The following ACSS3 variants were observed in gnomAD, a reference collection of about 807,000 sequenced individuals.
ACSS3 encodes the protein acyl-CoA synthetase short chain family member 3, also known as acyl-CoA synthetase short-chain family member 3, mitochondrial.
In ACSS3, 64 loss-of-function variants were observed where a neutral mutation model predicts 84.2. That is an observed-to-expected ratio of 0.76 (90% CI 0.62 to 0.94). The LOEUF is 0.94. Among genes scored for constraint, ACSS3 ranks in the 40% least tolerant of loss-of-function variants. The pLI is 0.00. For missense variants in ACSS3, 815 were observed against 867.6 expected (o/e 0.94, Z 0.76); for synonymous variants, 317 against 310.1 (o/e 1.02, Z -0.23).
At chr12:81,112,764 C>T (rs1883711730) in intron 2 of ACSS3, among the ~76,000 whole-genome samples, 1 of 152,088 alleles carries the variant, frequency 6.6e-6, no homozygotes, top group Non-Finnish European at 1.5e-5. Context: ...AAAAGAAGTG[C>T]CTTTGTACAT....
chr12:81,093,636 A>C (rs1182560226), intron 1 of ACSS3, among the ~76,000 whole-genome samples: 1 of 151,870 alleles, frequency 6.6e-6, no homozygotes, highest in Non-Finnish European at 1.5e-5. Flanking sequence ...ATAGACTTAC[A>C]AGAAGTTGCA....
At chr12:81,117,609 G>A (rs1018513517) in intron 2 of ACSS3, among the ~76,000 whole-genome samples, 1 of 152,094 alleles carries the variant, frequency 6.6e-6, no homozygotes, top group Non-Finnish European at 1.5e-5. Flanking sequence ...GGTTAGGTGA[G>A]TATCCAGGAG....
At chr12:81,124,935 C>T (rs183879502) in intron 2 of ACSS3, among the ~76,000 whole-genome samples, 142 of 152,324 alleles carry the variant, frequency 9.3e-4, no homozygotes, top group African/African-American at 3.4e-3. Flanking sequence ...CATAAATTGT[C>T]CGGGCTTGGT....
At position 81,216,961 on chromosome 12, in the gene ACSS3, C is replaced by A; in HGVS notation, c.1415C>A (p.Pro472Gln). The A allele has an allele frequency of 6.2e-7, 1 of 1,611,124 alleles. No individual in the cohort carries two copies. Among genetic ancestry groups the A allele is most frequent in the Non-Finnish European group, 8.5e-7 (1 of 1,177,970 alleles). Residue 472 changes from proline to glutamine, a missense_variant, in exon 10 of 16, where the codon CCA (proline) becomes CAA (glutamine). By Grantham distance (76) the Pro-to-Gln change is moderately conservative. Transcript: ENST00000548058. ...TTAGGCAATTCTAAAACACCTCCAC[C>A]AGGGCAAGCAGGAAAAAGCGTCCCA... is the stretch of plus-strand genomic sequence containing the variant. ...VGLGNSKTPP[P>Q]GQAGKSVPGY...
At position 81,199,413 on chromosome 12, in the gene ACSS3, A is replaced by T. The variant is rs758971591; in HGVS notation, c.1323A>T (p.Arg441Ser). Reference sequence around the variant, plus strand: ...TGGAATGGTCCAAAAATGTCTTCAGAGTACCTGTCTTAGACCATTGGTGGC... The same window carrying T: ...TGGAATGGTCCAAAAATGTCTTCAGTGTACCTGTCTTAGACCATTGGTGGC... ...ETLEWSKNVF[R>S]VPVLDHWWQT... The change falls in exon 9 of 16, where the codon AGA (arginine) becomes AGT (serine). Residue 441 changes from arginine (R) to serine (S), a missense_variant. Transcript: ENST00000548058. 6.2e-7 allele frequency: 1 copy of T among 1,613,714 alleles called. No homozygotes were observed. The highest frequency in any genetic ancestry group is 1.1e-5 in the South Asian group (1 of 91,070).
intron 7 of ACSS3, among the ~76,000 whole-genome samples, chr12:81,156,467 A>G (rs1886875453): frequency 6.6e-6 from 1 of 151,516 alleles, no homozygotes; most frequent in African/African-American, 2.4e-5. Context: ...AGGAATCAAT[A>G]ACATTGAAAA....
At position 81,253,527 on chromosome 12, in the gene ACSS3, GA is replaced by G; in HGVS notation, c.1855del (p.Ile619LeufsTer2). On this transcript the variant is annotated frameshift_variant, in exon 15 of 16. Coordinates refer to ENST00000548058, the MANE Select transcript of ACSS3 (RefSeq NM_024560.4). LOFTEE classifies it high-confidence loss of function. ...TGCAACAGAGGAGCAAGTTTTGGAA[GA>G]AATTGTGAAACACGTTAGACAGAAC... ...INATEEQVLE[E>X]IVKHVRQNIG... The G allele has an allele frequency of 6.2e-7, 1 of 1,613,888 alleles. No individual in the cohort carries two copies. Among genetic ancestry groups the G allele is most frequent in the Non-Finnish European group, 8.5e-7 (1 of 1,179,896 alleles).
intron 2 of ACSS3, among the ~76,000 whole-genome samples, chr12:81,132,158 G>T (rs1885546013): frequency 6.6e-6 from 1 of 152,156 alleles, no homozygotes; most frequent in South Asian, 2.1e-4. Context: ...AGTTAGGGAG[G>T]ATTCCCTCTT....
At chr12:81,079,673 A>G (rs1398278217) in intron 1 of ACSS3, among the ~76,000 whole-genome samples, 1 of 152,188 alleles carries the variant, frequency 6.6e-6, no homozygotes, top group African/African-American at 2.4e-5. Flanking sequence ...TGGGTGTTCA[A>G]CAATGAGTAA....
chr12:81,203,831 T>G (rs1048829712), intron 9 of ACSS3, among the ~76,000 whole-genome samples: 17 of 152,210 alleles, frequency 1.1e-4, no homozygotes, highest in African/African-American at 4.1e-4. Context: ...TCACAGTAAC[T>G]CATCCATAAA....
intron 11 of ACSS3, among the ~76,000 whole-genome samples, chr12:81,225,460 G>A (rs1390402102): frequency 1.3e-5 from 2 of 151,848 alleles, no homozygotes; most frequent in African/African-American, 2.4e-5. Context: ...GTAGTTTTCT[G>A]AGAGCATCTC....
intron 8 of ACSS3, among the ~76,000 whole-genome samples, chr12:81,190,156 T>C (rs1038236987): frequency 1.3e-5 from 2 of 152,170 alleles, no homozygotes; most frequent in Non-Finnish European, 2.9e-5. Context: ...GCTCGTTTTA[T>C]TTCTGAACAG....
At chr12:81,234,937 G>A (rs2178481) in intron 13 of ACSS3, among the ~76,000 whole-genome samples, 7,588 of 150,542 alleles carry the variant, frequency 0.05, 343 homozygotes, top group African/African-American at 0.12. Context: ...TTTCTTTTAC[G>A]GATTATGATT....
chr12:81,184,263 T>C (rs1363124970), intron 8 of ACSS3, among the ~76,000 whole-genome samples: 1 of 151,852 alleles, frequency 6.6e-6, no homozygotes, highest in East Asian at 1.9e-4. Flanking sequence ...AAACACAGTA[T>C]ACCAAAACTT....
intron 13 of ACSS3, among the ~76,000 whole-genome samples, chr12:81,248,847 A>G (rs1187828827): frequency 6.6e-6 from 1 of 152,018 alleles, no homozygotes; most frequent in East Asian, 1.9e-4. Flanking sequence ...ATTTGTACCA[A>G]TAAATTTATA....
intron 2 of ACSS3, among the ~76,000 whole-genome samples, chr12:81,120,990 G>A (rs1029630862): frequency 2.0e-5 from 3 of 152,144 alleles, no homozygotes; most frequent in Non-Finnish European, 4.4e-5. Flanking sequence ...ACTAGTGTAT[G>A]CACTGTATTT....
chr12:81,086,354 A>G (rs190215303), intron 1 of ACSS3, among the ~76,000 whole-genome samples: 2 of 152,300 alleles, frequency 1.3e-5, no homozygotes, highest in Admixed American at 6.5e-5. Flanking sequence ...GCCTCTCAAA[A>G]TAACCTCATC....
At chr12:81,249,843 AT>A (rs1321815653) in intron 13 of ACSS3, among the ~76,000 whole-genome samples, 13 of 152,196 alleles carry the variant, frequency 8.5e-5, no homozygotes, top group Admixed American at 3.3e-4. Flanking sequence ...AGGGTGTTTG[AT>A]TTGAACTGAT....
chr12:81,147,128 G>A (rs145142221), intron 5 of ACSS3, among the ~76,000 whole-genome samples: 161 of 152,108 alleles, frequency 1.1e-3, no homozygotes, highest in African/African-American at 3.5e-3. Flanking sequence ...TGTTCAGATC[G>A]ACAAAAAAAT....
Sources: gnomAD v4.1 joint callset for allele counts (sites outside exome capture counted in the v4.1 genomes callset) on GRCh38, gnomAD v4.1.1 for gene constraint, MANE v1.5 for transcripts, NCBI Gene and HGNC (gene_info 2026-07-23, HGNC 2026-07-21) for gene names.